The following PCDHGA11 variants were observed in gnomAD, a reference collection of about 807,000 sequenced individuals.
PCDHGA11 encodes protocadherin gamma-A11.
In PCDHGA11, 39 loss-of-function variants were observed where a neutral mutation model predicts 60.4. The observed-to-expected ratio is 0.65, with a 90% CI of 0.50 to 0.84. PCDHGA11 has a LOEUF of 0.84. Ranked by LOEUF, PCDHGA11 falls within the 40% of genes least tolerant of loss-of-function variation. PCDHGA11 has a pLI of 0.00. For synonymous variants in PCDHGA11, 533 were observed against 510.3 expected, an observed-to-expected ratio of 1.04 and a Z score of -0.60; for missense variants, 1,165 against 1,197.7, an observed-to-expected ratio of 0.97 and a Z score of 0.40.
intron 1 of PCDHGA11, chr5:141,441,396 C>T (rs2098244328): frequency 6.5e-6 from 1 of 154,724 alleles, no homozygotes; most frequent in Admixed American, 6.5e-5. Flanking sequence ...GGTATAACAT[C>T]AGCATCACTG....
chr5:141,469,855 G>T (rs1272105046), intron 1 of PCDHGA11, among the ~76,000 whole-genome samples: 4 of 152,186 alleles, frequency 2.6e-5, no homozygotes, highest in Non-Finnish European at 4.4e-5. Flanking sequence ...TTCAGACCGG[G>T]TGCAATGGCT....
At chr5:141,450,225 C>A (rs1294362576) in intron 1 of PCDHGA11, among the ~76,000 whole-genome samples, 1 of 151,976 alleles carries the variant, frequency 6.6e-6, no homozygotes, top group Non-Finnish European at 1.5e-5. Flanking sequence ...ACTATGTTGG[C>A]CAGGCTAGTC....
In PCDHGA11 at chr5:141,487,818, G is replaced by A. The variant is rs1009237001; in HGVS notation, c.2434-6989G>A. On this transcript the variant is annotated intron_variant, in intron 1 of 3. Coordinates refer to ENST00000398587, the MANE Select transcript of PCDHGA11 (RefSeq NM_018914.3). This position sits in a 1 kb window ranked among gnomAD's most constrained non-coding sequence, Gnocchi z 5.0. ...GAGTTGTCACAGTTTAGCATTGGGG[G>A]CGGGTCATGCCTATATCTGAGTAAG... The A allele has an allele frequency of 1.2e-4, 158 of 1,331,596 alleles. No homozygotes were observed. The highest frequency in any genetic ancestry group is 1.4e-4 in the Non-Finnish European group (140 of 970,524). 82.5% of individuals were successfully genotyped at this position (1,331,596 alleles called of 1,614,324 possible). A position where few individuals can be genotyped will look rare whatever the true frequency, so the allele number is the denominator to read the frequency against.
intron 1 of PCDHGA11, among the ~76,000 whole-genome samples, chr5:141,450,379 A>C (rs1269979263): frequency 6.6e-6 from 1 of 152,144 alleles, no homozygotes; most frequent in Non-Finnish European, 1.5e-5. Flanking sequence ...GTTTATATGA[A>C]ACTGACATTT....
intron 1 of PCDHGA11, among the ~76,000 whole-genome samples, chr5:141,483,709 G>A (rs1486825412): frequency 1.3e-5 from 2 of 152,036 alleles, no homozygotes; most frequent in Non-Finnish European, 2.9e-5. Flanking sequence ...TTTGACACCA[G>A]AATATTGGTT....
chr5:141,465,800 C>G (rs1486100601), intron 1 of PCDHGA11, among the ~76,000 whole-genome samples: 2 of 151,524 alleles, frequency 1.3e-5, no homozygotes, highest in East Asian at 3.9e-4. Flanking sequence ...TTTAAGAAAC[C>G]CTTCAGGATC....
At chr5:141,478,639 A>G (rs377308663) in intron 1 of PCDHGA11, 168 of 1,552,322 alleles carry the variant, frequency 1.1e-4, no homozygotes, top group Non-Finnish European at 1.0e-4. Context: ...TTAGTGATGA[A>G]GATGTTTTCC....
Position 141,477,809 on chromosome 5 carries a change from C to A in PCDHGA11, c.2434-16998C>A. 1 of 1,614,146 alleles carries A rather than the reference C, an allele frequency of 6.2e-7. No individual in the cohort carries two copies. Among genetic ancestry groups the A allele is most frequent in the Non-Finnish European group, 8.5e-7 (1 of 1,180,040 alleles). On this transcript the variant is annotated intron_variant, in intron 1 of 3. Coordinates refer to ENST00000398587, the MANE Select transcript of PCDHGA11 (RefSeq NM_018914.3). The surrounding 1 kb of genome is among the most constrained non-coding windows in gnomAD (Gnocchi z 4.9). ...TGTCACTGATCGCAATGACAATGCC[C>A]CCCAGGTCCTATATCCTCGGCCAGG...
intron 1 of PCDHGA11, among the ~76,000 whole-genome samples, chr5:141,488,655 G>C (rs1438020338): frequency 6.6e-6 from 1 of 152,164 alleles, no homozygotes. Flanking sequence ...GATGGGGGAG[G>C]GTGGGGGAAT....
At chr5:141,430,313 G>A (rs1018901791) in intron 1 of PCDHGA11, among the ~76,000 whole-genome samples, 1 of 150,204 alleles carries the variant, frequency 6.7e-6, no homozygotes, top group South Asian at 2.1e-4. Context: ...AACATTATAA[G>A]ATTAAAATCA....
chr5:141,489,174 C>A lies in PCDHGA11; in HGVS notation c.2434-5633C>A. On this transcript the variant is annotated intron_variant, in intron 1 of 3. Coordinates refer to ENST00000398587, the MANE Select transcript of PCDHGA11 (RefSeq NM_018914.3). The surrounding 1 kb of genome is among the most constrained non-coding windows in gnomAD (Gnocchi z 4.5). ...ATAAGAGACTTCAGCTGCTGCATTC[C>A]AAGCCCTGGGTCTACCTTGGAGACA... The A allele has an allele frequency of 8.2e-7, 1 of 1,224,772 alleles. No individual in the cohort carries two copies. 75.9% of individuals were successfully genotyped at this position (1,224,772 alleles called of 1,614,324 possible).
intron 1 of PCDHGA11, among the ~76,000 whole-genome samples, chr5:141,467,820 G>T (rs1278112158): frequency 6.6e-6 from 1 of 151,884 alleles, no homozygotes; most frequent in African/African-American, 2.4e-5. Flanking sequence ...CACCACACCA[G>T]GCTGATTTTT....
At position 141,431,851 on chromosome 5, in the gene PCDHGA11, A is replaced by G. The variant is rs2097423722; in HGVS notation, c.2433+8191A>G. 1 of 1,614,264 alleles carries G rather than the reference A, an allele frequency of 6.2e-7. No individual in the cohort carries two copies. The highest frequency in any genetic ancestry group is 1.1e-5 in the South Asian group (1 of 91,088). ...TTCCCGAAAACTCTCCCAGAGGGAC[A>G]TTAATTGCCCTTTTAAATGTAAATG... On this transcript the variant is annotated intron_variant, in intron 1 of 3. Coordinates refer to ENST00000398587, the MANE Select transcript of PCDHGA11 (RefSeq NM_018914.3). This position sits in a 1 kb window ranked among gnomAD's most constrained non-coding sequence, Gnocchi z 4.8.
In PCDHGA11 at chr5:141,431,457, T is replaced by C; in HGVS notation, c.2433+7797T>C. ...ACCGCGCGCATCCGCGTGATGGTTC[T>C]GGATGCGAACGACAACGCACCAGCG... On this transcript the variant is annotated intron_variant, in intron 1 of 3. Transcript: ENST00000398587. This position sits in a 1 kb window ranked among gnomAD's most constrained non-coding sequence, Gnocchi z 4.8. 6.2e-7 allele frequency: 1 copy of C among 1,613,818 alleles called. No homozygotes were observed. Among genetic ancestry groups the C allele is most frequent in the South Asian group, 1.1e-5 (1 of 91,088 alleles).
chr5:141,484,230 G>A (rs1325484143), intron 1 of PCDHGA11, among the ~76,000 whole-genome samples: 2 of 152,174 alleles, frequency 1.3e-5, no homozygotes, highest in Non-Finnish European at 2.9e-5. Flanking sequence ...CAGGTAAAGA[G>A]ATCTGGTCCT....
chr5:141,486,730 T>G lies in PCDHGA11; in HGVS notation c.2434-8077T>G, dbSNP rs775081505. On this transcript the variant is annotated intron_variant, in intron 1 of 3. Coordinates refer to ENST00000398587, the MANE Select transcript of PCDHGA11 (RefSeq NM_018914.3). This position sits in a 1 kb window ranked among gnomAD's most constrained non-coding sequence, Gnocchi z 5.0. ...ACCCCCAGACAGGAGCTGTTCATGC[T>G]ACTCGATCCTTTGACTATGAGCAAA... is the stretch of plus-strand genomic sequence containing the variant. 6.2e-7 allele frequency: 1 copy of G among 1,614,238 alleles called. No individual in the cohort carries two copies. The highest frequency in any genetic ancestry group is 8.5e-7 in the Non-Finnish European group (1 of 1,180,042).
In PCDHGA11 at chr5:141,431,370, A is replaced by G; in HGVS notation, c.2433+7710A>G. ...CTGAAACGCGCCCTGGACCGCGAAG[A>G]AAAGGCTGCTCACCACCTGGTCCTT... is the stretch of plus-strand genomic sequence containing the variant. On this transcript the variant is annotated intron_variant, in intron 1 of 3. Coordinates refer to ENST00000398587, the MANE Select transcript of PCDHGA11 (RefSeq NM_018914.3). The surrounding 1 kb of genome is among the most constrained non-coding windows in gnomAD (Gnocchi z 4.8). 1 of 1,613,946 alleles carries G rather than the reference A, an allele frequency of 6.2e-7. No homozygotes were observed. The highest frequency in any genetic ancestry group is 8.5e-7 in the Non-Finnish European group (1 of 1,180,014).
rs529787438 is a variant in PCDHGA11 at position 141,470,330 on chromosome 5, G to A, written c.2434-24477G>A. Among the ~76,000 whole-genome samples the A allele has an allele frequency of 3.3e-4, 50 of 152,144 alleles. 1 individual carries two copies. The highest frequency in any genetic ancestry group is 1.1e-3 in the African/African-American group (47 of 41,498). ...TTTTCCTCAAATGATCCCATAATTT[G>A]ACCTTAGGAAGCTGTTCAAATAGAC... On this transcript the variant is annotated intron_variant, in intron 1 of 3. Coordinates refer to ENST00000398587, the MANE Select transcript of PCDHGA11 (RefSeq NM_018914.3).
chr5:141,491,034 T>A lies in PCDHGA11; in HGVS notation c.2434-3773T>A. On this transcript the variant is annotated intron_variant, in intron 1 of 3. Coordinates refer to ENST00000398587, the MANE Select transcript of PCDHGA11 (RefSeq NM_018914.3). This position sits in a 1 kb window ranked among gnomAD's most constrained non-coding sequence, Gnocchi z 6.9. ...CCAAGGTGACAGCCGTGGATGCTGA[T>A]GCAGGCCACAATGCGTGGCTCTCCT... 1 of 1,614,170 alleles carries A rather than the reference T, an allele frequency of 6.2e-7. No individual in the cohort carries two copies. Among genetic ancestry groups the A allele is most frequent in the African/African-American group, 1.3e-5 (1 of 75,074 alleles).
Sources: allele counts gnomAD v4.1 joint callset (sites outside exome capture counted in the v4.1 genomes callset), GRCh38; gene constraint gnomAD v4.1.1; non-coding constraint Gnocchi (gnomAD v3.1); transcripts MANE v1.5; gene names NCBI Gene and HGNC (gene_info 2026-07-23, HGNC 2026-07-21).